The following ERO1B variants were observed in gnomAD, a reference collection of about 807,000 sequenced individuals.
The protein encoded by ERO1B is endoplasmic reticulum oxidoreductase 1 beta.
In ERO1B, 49 loss-of-function variants were observed where a neutral mutation model predicts 75.3. The ratio of observed to expected loss-of-function variants is 0.65; its 90% CI spans 0.52 to 0.83. The LOEUF is 0.83. ERO1B is among the 40% of genes least tolerant of loss of function. The pLI, the probability that ERO1B is intolerant of heterozygous loss-of-function variation, is 0.00. For synonymous variants in ERO1B, 191 were observed against 192.9 expected (o/e 0.99, Z 0.08); for missense variants, 512 against 560.1 (o/e 0.91, Z 0.87).
intron 5 of ERO1B, among the ~76,000 whole-genome samples, chr1:236,249,008 G>A (rs2102954536): frequency 6.7e-6 from 1 of 148,900 alleles, no homozygotes; most frequent in African/African-American, 2.4e-5. Context: ...TAGCAATTAT[G>A]GTACATAAAT....
At chr1:236,251,584 T>C (rs1221925394) in intron 4 of ERO1B, among the ~76,000 whole-genome samples, 1 of 152,022 alleles carries the variant, frequency 6.6e-6, no homozygotes, top group Non-Finnish European at 1.5e-5. Flanking sequence ...AAATAAACGG[T>C]TCTCTAAAAA....
At chr1:236,244,510 G>A (rs986079356) in intron 5 of ERO1B, among the ~76,000 whole-genome samples, 3 of 152,132 alleles carry the variant, frequency 2.0e-5, no homozygotes, top group African/African-American at 4.8e-5. Flanking sequence ...CCTAATTACA[G>A]CTAAAATGAC....
intron 2 of ERO1B, among the ~76,000 whole-genome samples, chr1:236,259,186 A>C (rs1055070562): frequency 2.6e-5 from 4 of 152,208 alleles, no homozygotes; most frequent in African/African-American, 9.6e-5. Flanking sequence ...CCTGCTACTA[A>C]CACAAGATGT....
At chr1:236,266,704 GGTAGAGTATATTGA>G (rs1367377189) in intron 2 of ERO1B, among the ~76,000 whole-genome samples, 1 of 152,062 alleles carries the variant, frequency 6.6e-6, no homozygotes, top group Non-Finnish European at 1.5e-5. Context: ...CACTGTTGTA[GGTAGAGTATATTGA>G]GTAGAGTATA....
intron 2 of ERO1B, among the ~76,000 whole-genome samples, chr1:236,255,933 T>C (rs953804125): frequency 3.9e-5 from 6 of 152,224 alleles, no homozygotes; most frequent in Non-Finnish European, 8.8e-5. Context: ...TCCATTATTC[T>C]AGTTCCTCAA....
intron 13 of ERO1B, among the ~76,000 whole-genome samples, chr1:236,222,827 G>A (rs1371996959): frequency 6.6e-6 from 1 of 152,154 alleles, no homozygotes; most frequent in Admixed American, 6.6e-5. Flanking sequence ...AGGCCTGTGT[G>A]ACACATATGG....
rs1553373694 is a variant in ERO1B at position 236,260,852 on chromosome 1, A to AAAAAAAAT, written c.223-7348_223-7347insATTTTTTT. Among the ~76,000 whole-genome samples, 1,159 of 151,742 alleles carry AAAAAAAAT rather than the reference A, an allele frequency of 7.6e-3. 3 individuals carry two copies. The highest frequency in any genetic ancestry group is 0.014 in the Middle Eastern group (4 of 290). On this transcript the variant is annotated intron_variant, in intron 2 of 15. Transcript: ENST00000354619. ...CGAAGGCAGAAAAAGACACTACAAA[A>AAAAAAAAT]AAATAAACAAAGGAAACTACAGGCC... is the stretch of plus-strand genomic sequence containing the variant.
intron 2 of ERO1B, among the ~76,000 whole-genome samples, chr1:236,259,776 A>G (rs1490098899): frequency 6.6e-6 from 1 of 152,184 alleles, no homozygotes; most frequent in African/African-American, 2.4e-5. Context: ...ATAAATTGCA[A>G]TACAATAAGA....
At chr1:236,234,204 A>G (rs370932802) in intron 8 of ERO1B, among the ~76,000 whole-genome samples, 13 of 152,090 alleles carry the variant, frequency 8.5e-5, no homozygotes, top group African/African-American at 2.9e-4. Flanking sequence ...CTTCTTTCAT[A>G]TTTCATTTTT....
At chr1:236,245,749 CTAAT>C (rs111654959) in intron 5 of ERO1B, among the ~76,000 whole-genome samples, 10,092 of 149,396 alleles carry the variant, frequency 0.068, 697 homozygotes, top group East Asian at 0.39. Context: ...CCACGCCTGG[CTAAT>C]TTTTTTATTT....
At chr1:236,256,102 C>T (rs1210430490) in intron 2 of ERO1B, among the ~76,000 whole-genome samples, 4 of 152,056 alleles carry the variant, frequency 2.6e-5, no homozygotes, top group Non-Finnish European at 5.9e-5. Flanking sequence ...TTACTTCAGG[C>T]GCTAATCCCA....
intron 8 of ERO1B, among the ~76,000 whole-genome samples, chr1:236,235,488 T>C (rs1430712641): frequency 6.6e-6 from 1 of 152,192 alleles, no homozygotes; most frequent in Non-Finnish European, 1.5e-5. Context: ...AGCAACCAGA[T>C]TTTTTAATAA....
intron 2 of ERO1B, among the ~76,000 whole-genome samples, chr1:236,257,957 A>G (rs554511701): frequency 2.6e-5 from 4 of 151,820 alleles, no homozygotes; most frequent in East Asian, 1.9e-4. Context: ...AATTACACAC[A>G]TTATCAGAGT....
At chr1:236,228,970 C>T (rs1282311695) in intron 10 of ERO1B, among the ~76,000 whole-genome samples, 2 of 152,150 alleles carry the variant, frequency 1.3e-5, no homozygotes, top group African/African-American at 4.8e-5. Flanking sequence ...CCTTTTCTAG[C>T]CTAAATGCTA....
chr1:236,232,705 A>C, intron 9 of ERO1B, 123 bp downstream of exon 9: 1 of 651,448 alleles, frequency 1.5e-6, no homozygotes, highest in Non-Finnish European at 2.5e-6. Context: ...ACCATTCATT[A>C]GTAGCTATTT....
intron 4 of ERO1B, 110 bp from the exon 5 acceptor site, chr1:236,250,077 C>T (rs1664979174): frequency 7.1e-6 from 4 of 567,130 alleles, no homozygotes; most frequent in Non-Finnish European, 1.1e-5. Flanking sequence ...AATATACATA[C>T]ATTCCATTAT....
At chr1:236,239,805 A>G (rs12063656) in intron 6 of ERO1B, among the ~76,000 whole-genome samples, 2,849 of 121,714 alleles carry the variant, frequency 0.023, 141 homozygotes, top group African/African-American at 0.076. Context: ...ATATATATAT[A>G]TGTGTGTATA....
chr1:236,224,622 T>TTAA (rs1664234068), intron 13 of ERO1B, among the ~76,000 whole-genome samples: 1 of 152,216 alleles, frequency 6.6e-6, no homozygotes, highest in Non-Finnish European at 1.5e-5. Context: ...ATGTCACATG[T>TTAA]TAACAGGTAG....
intron 5 of ERO1B, among the ~76,000 whole-genome samples, chr1:236,245,894 T>C (rs1177824652): frequency 2.0e-5 from 3 of 151,640 alleles, no homozygotes; most frequent in Admixed American, 6.6e-5. Context: ...ACCCAACCTA[T>C]GGTATCTTAA....
Sources: gnomAD v4.1 joint callset for allele counts (sites outside exome capture counted in the v4.1 genomes callset) on GRCh38, gnomAD v4.1.1 for gene constraint, MANE v1.5 for transcripts, NCBI Gene and HGNC (gene_info 2026-07-23, HGNC 2026-07-21) for gene names.